HSPE1: variants seen among roughly 807,000 people sequenced by gnomAD.
HSPE1 encodes the protein 10 kDa heat shock protein, mitochondrial.
In HSPE1, 1 loss-of-function variant was observed where a neutral mutation model predicts 13.2. That is an observed-to-expected ratio of 0.08 (90% CI 0.03 to 0.36). HSPE1 has a LOEUF of 0.36. Ranked by LOEUF, HSPE1 falls within the 10% of genes least tolerant of loss-of-function variation. The pLI is 0.99. For missense variants in HSPE1, 73 were observed against 118.7 expected (o/e 0.62, Z 1.79); for synonymous variants, 44 against 42.0 (o/e 1.05, Z -0.19).
intron 1 of HSPE1, 191 bp from the exon 2 acceptor site, chr2:197,500,883 A>G (rs2086244115): frequency 2.9e-6 from 2 of 683,178 alleles, no homozygotes; most frequent in South Asian, 4.3e-5. Flanking sequence ...GACCCCTAAC[A>G]GACGTAAGGA....
rs748015639 is a variant in HSPE1 at position 197,501,082 on chromosome 2, A to T, written c.12A>T (p.Gln4His). 4 of 1,612,942 alleles carry T rather than the reference A, an allele frequency of 2.5e-6. No homozygotes were observed. The highest frequency in any genetic ancestry group is 3.4e-5 in the Admixed American group (2 of 59,696). ...CATTTCTCTTCCTACAGGCAGGACA[A>T]GCGTTTAGAAAGTTTCTTCCACTCT... The part of the protein sequence containing the change: MAG[Q>H]AFRKFLPLFD... The change falls in exon 2 of 4, where the codon CAA (glutamine) becomes CAT (histidine). Residue 4 changes from glutamine to histidine, a missense_variant. Gln to His is a conservative substitution (Grantham distance 24). Coordinates refer to ENST00000233893, the MANE Select transcript of HSPE1 (RefSeq NM_002157.3).
rs1217867750 is a variant in HSPE1 at position 197,500,476 on chromosome 2, G to A, written c.3+37G>A. 3.8e-6 allele frequency: 6 copies of A among 1,584,566 alleles called. No homozygotes were observed. In the African/African-American group the frequency reaches 4.0e-5, roughly 11 times the overall value. On this transcript the variant is annotated intron_variant, in intron 1 of 3. Coordinates refer to ENST00000233893, the MANE Select transcript of HSPE1 (RefSeq NM_002157.3). ...GTGGCCCCGAGGCCTGCAGGCCCGG[G>A]CCTGTCTGAGGCGTACGGGGATCCC... is the stretch of plus-strand genomic sequence containing the variant.
intron 2 of HSPE1, among the ~76,000 whole-genome samples, chr2:197,502,592 A>T (rs1290872048): frequency 6.6e-6 from 1 of 152,210 alleles, no homozygotes; most frequent in Non-Finnish European, 1.5e-5. Context: ...AAACAATCAC[A>T]AGAGTATGTT....
intron 1 of HSPE1, chr2:197,500,851 T>G: frequency 1.7e-6 from 1 of 602,844 alleles, no homozygotes; most frequent in South Asian, 2.3e-5. Context: ...CTGGTCTGGT[T>G]GCTCACCGGA....
chr2:197,502,948 C>A, intron 2 of HSPE1, 91 bp from the exon 3 acceptor site: 2 of 701,746 alleles, frequency 2.9e-6, no homozygotes, highest in Admixed American at 2.3e-5. Context: ...TTTGAGTGAC[C>A]ATGTTTCATT....
chr2:197,500,636 C>A, intron 1 of HSPE1, 197 bp downstream of exon 1: 1 of 788,842 alleles, frequency 1.3e-6, no homozygotes, highest in Non-Finnish European at 2.0e-6. Context: ...GCGTGTGCTG[C>A]CGGTGTGTAA....
At position 197,503,448 on chromosome 2, in the gene HSPE1, G is replaced by A. The variant is rs956353101; in HGVS notation, c.*189G>A. ...CACTTCCAAATAAAAATATGTAAAT[G>A]AGTGGTTAATCTTTAGTTATTTTAA... is the stretch of plus-strand genomic sequence containing the variant. On this transcript the variant is annotated 3_prime_UTR_variant, in exon 4 of 4. Coordinates refer to ENST00000233893, the MANE Select transcript of HSPE1 (RefSeq NM_002157.3). The A allele has an allele frequency of 6.8e-5, 30 of 438,668 alleles. No individual in the cohort carries two copies. The Middle Eastern group carries it at 4.2e-3, about 62-fold the overall frequency. The allele number at this position is 438,668 out of a possible 1,614,324, so 27.2% of individuals were successfully genotyped here.
intron 2 of HSPE1, among the ~76,000 whole-genome samples, chr2:197,502,716 ATAAGT>A (rs1329724185): frequency 3.3e-5 from 5 of 152,232 alleles, no homozygotes; most frequent in Admixed American, 6.5e-5. Context: ...CATATAGTTG[ATAAGT>A]TATGTTAATA....
Position 197,501,468 on chromosome 2 carries a change from A to G in HSPE1, c.168+230A>G, listed in dbSNP as rs1322826248. On this transcript the variant is annotated intron_variant, in intron 2 of 3. Coordinates refer to ENST00000233893, the MANE Select transcript of HSPE1 (RefSeq NM_002157.3). Reference sequence around the variant, plus strand: ...TTATGTGATAGTTTCAGAGTATTAAAAATTGTCCTCAATAGGCCGGGTGCG... The same window carrying G: ...TTATGTGATAGTTTCAGAGTATTAAGAATTGTCCTCAATAGGCCGGGTGCG... 4.4e-5 allele frequency: 21 copies of G among 478,144 alleles called. 1 individual carries two copies. In the South Asian group the frequency reaches 6.5e-4, roughly 15 times the overall value. 29.6% of individuals were successfully genotyped at this position (478,144 alleles called of 1,614,324 possible).
intron 2 of HSPE1, 131 bp downstream of exon 2, chr2:197,501,369 C>A: frequency 9.3e-7 from 1 of 1,074,056 alleles, no homozygotes. Flanking sequence ...TGCTTTGGTT[C>A]TAATCTGTTT....
intron 1 of HSPE1, 37 bp from the exon 2 acceptor site, chr2:197,501,037 A>G (rs766989335): frequency 4.4e-6 from 7 of 1,606,648 alleles, no homozygotes; most frequent in Admixed American, 1.7e-5. Context: ...ATGTGATTAC[A>G]TTTAGTTTTT....
At position 197,503,272 on chromosome 2, in the gene HSPE1, T is replaced by C. The variant is rs766031328; in HGVS notation, c.*13T>C. On this transcript the variant is annotated 3_prime_UTR_variant, in exon 4 of 4. Coordinates refer to ENST00000233893, the MANE Select transcript of HSPE1 (RefSeq NM_002157.3). ...GTACGTAGACTGAAATAAGTCACTA[T>C]TGAAATGGCATCAACATGATGCTGC... is the stretch of plus-strand genomic sequence containing the variant. The C allele has an allele frequency of 7.0e-6, 11 of 1,562,236 alleles. No individual in the cohort carries two copies. Among genetic ancestry groups the C allele is most frequent in the Admixed American group, 6.7e-5 (4 of 59,872 alleles).
intron 2 of HSPE1, among the ~76,000 whole-genome samples, chr2:197,502,278 G>A (rs6746661): frequency 0.029 from 4,476 of 152,254 alleles, 215 homozygotes; most frequent in African/African-American, 0.1. Context: ...TACTGCTAAT[G>A]TTAGTGTATT....
chr2:197,501,469 A>T, intron 2 of HSPE1: 1 of 454,092 alleles, frequency 2.2e-6, no homozygotes. Context: ...GAGTATTAAA[A>T]ATTGTCCTCA....
At chr2:197,501,431 A>G (rs1299697472) in intron 2 of HSPE1, 193 bp downstream of exon 2, 1 of 609,630 alleles carries the variant, frequency 1.6e-6, no homozygotes, top group South Asian at 2.5e-5. Context: ...GACCAATGCT[A>G]TGATGCTTAT....
rs113357080 is a variant in HSPE1 at position 197,501,324 on chromosome 2, T to G, written c.168+86T>G. ...TTCTGGAGTATTAAAAGTCGCTTAT[T>G]AAGTAGAGTTTATGTCGTTTTCAAG... is the stretch of plus-strand genomic sequence containing the variant. On this transcript the variant is annotated intron_variant, in intron 2 of 3. Transcript: ENST00000233893. 1.2e-5 allele frequency: 17 copies of G among 1,413,122 alleles called. 1 individual carries two copies. The African/African-American group carries it at 1.4e-4, about 12-fold the overall frequency. 87.5% of individuals were successfully genotyped at this position (1,413,122 alleles called of 1,614,324 possible).
chr2:197,500,714 T>C (rs1368238880), intron 1 of HSPE1: 2 of 596,392 alleles, frequency 3.4e-6, no homozygotes, highest in Non-Finnish European at 5.9e-6. Flanking sequence ...TTTGTGGATG[T>C]GTAATATCTT....
intron 2 of HSPE1, 67 bp downstream of exon 2, chr2:197,501,305 A>G (rs1405857914): frequency 1.7e-5 from 25 of 1,479,392 alleles, no homozygotes; most frequent in Admixed American, 2.5e-5. Flanking sequence ...GTAATTCTGG[A>G]GTATTAAAAG....
intron 2 of HSPE1, 145 bp downstream of exon 2, chr2:197,501,383 A>C: frequency 2.1e-6 from 2 of 943,058 alleles, no homozygotes; most frequent in South Asian, 3.9e-5. Flanking sequence ...TCTGTTTCTT[A>C]AAGGGAAATG....
Sources: allele counts gnomAD v4.1 joint callset (sites outside exome capture counted in the v4.1 genomes callset), GRCh38; gene constraint gnomAD v4.1.1; transcripts MANE v1.5; gene names NCBI Gene and HGNC (gene_info 2026-07-23, HGNC 2026-07-21).